ABCB5: variants seen among roughly 807,000 people sequenced by gnomAD.
ABCB5 encodes the protein ATP-binding cassette sub-family B member 5.
In ABCB5, 155 loss-of-function variants were observed where a neutral mutation model predicts 144.2. The observed-to-expected ratio is 1.08, with a 90% CI of 0.94 to 1.23. The LOEUF is 1.23. Among genes scored for constraint, ABCB5 ranks in the 50% most tolerant of loss-of-function variants. The probability of loss-of-function intolerance (pLI) is 0.00; values close to 1 mark genes in which losing one functional copy is unlikely to be tolerated. For synonymous variants in ABCB5, 610 were observed against 528.6 expected (o/e 1.15, Z -2.11); for missense variants, 1,830 against 1,520.8 (o/e 1.20, Z -3.38).
At chr7:20,704,040 G>A (rs547037728) in intron 19 of ABCB5, among the ~76,000 whole-genome samples, 1 of 132,964 alleles carries the variant, frequency 7.5e-6, no homozygotes, top group Admixed American at 7.7e-5. Context: ...AGAAAGTTTT[G>A]AAGATATTTC....
intron 14 of ABCB5, among the ~76,000 whole-genome samples, chr7:20,670,407 T>C (rs796974531): frequency 8.6e-5 from 13 of 151,722 alleles, no homozygotes; most frequent in African/African-American, 3.1e-4. Context: ...AGGTTGACGT[T>C]AACAGCACTA....
chr7:20,666,625 A>G, intron 14 of ABCB5: 2 of 1,142,624 alleles, frequency 1.8e-6, no homozygotes, highest in Non-Finnish European at 2.3e-6. Flanking sequence ...ATGTCAGCAA[A>G]GTGTCAAGTA....
intron 20 of ABCB5, among the ~76,000 whole-genome samples, chr7:20,715,554 G>C (rs1406986392): frequency 1.3e-5 from 2 of 151,852 alleles, no homozygotes; most frequent in Non-Finnish European, 2.9e-5. Flanking sequence ...GGAACCAGGT[G>C]CACGCCACTG....
At position 20,691,955 on chromosome 7, in the gene ABCB5, T is replaced by C. The variant is rs533027132; in HGVS notation, c.2010+6119T>C. Among the ~76,000 whole-genome samples, 4 of 152,068 alleles carry C rather than the reference T, an allele frequency of 2.6e-5. No individual in the cohort carries two copies. The East Asian group carries it at 7.7e-4, about 29-fold the overall frequency. On this transcript the variant is annotated intron_variant, in intron 16 of 27. Coordinates refer to ENST00000404938, the MANE Select transcript of ABCB5 (RefSeq NM_001163941.2). ...TACCCAAAATGAAGAGAAAAATCAGTCAATAATAGAAATAGACCCGGAAAT... is the reference window on the plus strand; with the variant it reads ...TACCCAAAATGAAGAGAAAAATCAGCCAATAATAGAAATAGACCCGGAAAT...
At chr7:20,672,800 A>C (rs1785490632) in intron 14 of ABCB5, among the ~76,000 whole-genome samples, 1 of 151,870 alleles carries the variant, frequency 6.6e-6, no homozygotes, top group Non-Finnish European at 1.5e-5. Flanking sequence ...TTCTACACTG[A>C]TTTTTCTTGG....
chr7:20,755,988 G>A lies in ABCB5; in HGVS notation c.*364G>A, dbSNP rs945689280. 8 of 258,430 alleles carry A rather than the reference G, an allele frequency of 3.1e-5. No individual in the cohort carries two copies. Among genetic ancestry groups the A allele is most frequent in the South Asian group, 2.8e-4 (6 of 21,424 alleles). 16.0% of individuals were successfully genotyped at this position (258,430 alleles called of 1,614,324 possible). ...CCAATTAACCATGTTGAAGGTTTTA[G>A]CAAAGGCAGTGTAAGATAGAGTGGG... On this transcript the variant is annotated 3_prime_UTR_variant, in exon 28 of 28. Transcript: ENST00000404938.
At chr7:20,661,053 C>T (rs938972668) in intron 14 of ABCB5, among the ~76,000 whole-genome samples, 1 of 152,250 alleles carries the variant, frequency 6.6e-6, no homozygotes, top group Non-Finnish European at 1.5e-5. Flanking sequence ...AACTCTGCAT[C>T]AGCCCATGCC....
At chr7:20,618,749 T>C (rs770677366) in intron 1 of ABCB5, among the ~76,000 whole-genome samples, 4 of 150,558 alleles carry the variant, frequency 2.7e-5, no homozygotes, top group Non-Finnish European at 5.9e-5. Flanking sequence ...TCATGGCATA[T>C]ATGTGCTGCA....
At chr7:20,749,058 TTCTC>T (rs1782825707) in intron 26 of ABCB5, among the ~76,000 whole-genome samples, 1 of 151,978 alleles carries the variant, frequency 6.6e-6, no homozygotes, top group South Asian at 2.1e-4. Flanking sequence ...CTCCCTTTCT[TTCTC>T]TCTCCCTTTC....
At chr7:20,717,952 A>G (rs1781737492) in intron 20 of ABCB5, among the ~76,000 whole-genome samples, 1 of 112,138 alleles carries the variant, frequency 8.9e-6, no homozygotes, top group Non-Finnish European at 1.6e-5. Flanking sequence ...CCCAGGCTGG[A>G]GTGCAGTGGC....
intron 14 of ABCB5, among the ~76,000 whole-genome samples, chr7:20,664,905 A>G (rs924706932): frequency 1.3e-5 from 2 of 152,222 alleles, no homozygotes; most frequent in African/African-American, 4.8e-5. Flanking sequence ...GCTGGGCAAC[A>G]TAGCAAGACC....
intron 14 of ABCB5, among the ~76,000 whole-genome samples, chr7:20,662,181 TGGAGAACCTC>T (rs1448331205): frequency 2.6e-5 from 4 of 152,330 alleles, no homozygotes; most frequent in Non-Finnish European, 4.4e-5. Flanking sequence ...ACCACATCAA[TGGAGAACCTC>T]TTTGGTAATT....
At position 20,709,276 on chromosome 7, in the gene ABCB5, G is replaced by T. The variant is rs1405671444; in HGVS notation, c.2421+4469G>T. On this transcript the variant is annotated intron_variant, in intron 20 of 27. Transcript: ENST00000404938. ...AATAAGCCACTTAAAAATTTACTTT[G>T]GTTTCATTCTCATTTTCATATTTTA... Among the ~76,000 whole-genome samples the T allele has an allele frequency of 1.4e-5, 2 of 143,024 alleles. 1 individual carries two copies. Among genetic ancestry groups the T allele is most frequent in the Non-Finnish European group, 3.1e-5 (2 of 64,502 alleles). 93.8% of individuals were successfully genotyped at this position (143,024 alleles called of 152,430 possible). A position where few individuals can be genotyped will look rare whatever the true frequency, so the allele number is the denominator to read the frequency against.
chr7:20,711,860 TCCTTCCTCC>T (rs1787079416), intron 20 of ABCB5, among the ~76,000 whole-genome samples: 1 of 49,274 alleles, frequency 2.0e-5, no homozygotes, highest in Admixed American at 2.5e-4. Context: ...TTTCTTTCTT[TCCTTCCTCC>T]CTCCCTCCCT....
At chr7:20,621,781 G>A (rs367810782) in intron 1 of ABCB5, among the ~76,000 whole-genome samples, 41 of 152,260 alleles carry the variant, frequency 2.7e-4, no homozygotes, top group Non-Finnish European at 4.7e-4. Context: ...AACGCCTTGC[G>A]TAAAGTATTA....
chr7:20,704,479 A>G (rs1331009448), intron 19 of ABCB5, among the ~76,000 whole-genome samples: 1 of 152,192 alleles, frequency 6.6e-6, no homozygotes, highest in Non-Finnish European at 1.5e-5. Context: ...AACATTGATT[A>G]TTATACTATA....
intron 14 of ABCB5, among the ~76,000 whole-genome samples, chr7:20,675,823 A>G (rs182145173): frequency 3.3e-5 from 5 of 152,134 alleles, no homozygotes; most frequent in East Asian, 3.9e-4. Context: ...AAAAACAAAA[A>G]TAAAGAATAA....
chr7:20,716,787 G>A (rs1274640966), intron 20 of ABCB5, among the ~76,000 whole-genome samples: 1 of 152,164 alleles, frequency 6.6e-6, no homozygotes, highest in Non-Finnish European at 1.5e-5. Context: ...AAGAGAAACT[G>A]GACAATCTAG....
chr7:20,729,416 GA>G (rs1432573274), intron 23 of ABCB5, among the ~76,000 whole-genome samples: 1 of 152,108 alleles, frequency 6.6e-6, no homozygotes, highest in Non-Finnish European at 1.5e-5. Flanking sequence ...TAATCCAGAA[GA>G]AACACATATA....
Sources: gnomAD v4.1 joint callset for allele counts (sites outside exome capture counted in the v4.1 genomes callset) on GRCh38, gnomAD v4.1.1 for gene constraint, MANE v1.5 for transcripts, NCBI Gene and HGNC (gene_info 2026-07-23, HGNC 2026-07-21) for gene names.